INPP5D: variants seen among roughly 807,000 people sequenced by gnomAD.
INPP5D encodes the protein phosphatidylinositol 3,4,5-trisphosphate 5-phosphatase 1.
INPP5D carries 33 observed loss-of-function variants against 122.9 expected under a neutral mutation model. That is an observed-to-expected ratio of 0.27 (90% CI 0.20 to 0.36). The LOEUF (loss-of-function observed/expected upper bound fraction) is 0.36, where lower values mean the gene tolerates loss of function less well. Among genes scored for constraint, INPP5D ranks in the 10% least tolerant of loss-of-function variants. The pLI is 1.00. For synonymous variants in INPP5D, 584 were observed against 576.2 expected (o/e 1.01, Z -0.19); for missense variants, 1,053 against 1,412.7 (o/e 0.75, Z 4.08).
chr2:233,164,248 T>C lies in INPP5D; in HGVS notation c.1438-59T>C, dbSNP rs1219899928. Reference sequence around the variant, plus strand: ...GCGGCTGGGGCTGGGTGTGAATCACTGTGCCCTGGTTCACACCCTACACTT... The same window carrying C: ...GCGGCTGGGGCTGGGTGTGAATCACCGTGCCCTGGTTCACACCCTACACTT... On this transcript the variant is annotated intron_variant, in intron 12 of 26. Coordinates refer to ENST00000445964, the MANE Select transcript of INPP5D (RefSeq NM_001017915.3). This position sits in a 1 kb window ranked among gnomAD's most constrained non-coding sequence, Gnocchi z 4.3. 2.7e-6 allele frequency: 4 copies of C among 1,499,688 alleles called. No homozygotes were observed. In the Admixed American group the frequency reaches 6.2e-5, roughly 23 times the overall value. The allele number at this position is 1,499,688 out of a possible 1,614,324, so 92.9% of individuals were successfully genotyped here. A position where few individuals can be genotyped will look rare whatever the true frequency, so the allele number is the denominator to read the frequency against.
At chr2:233,152,147 G>T (rs1334506855) in intron 9 of INPP5D, among the ~76,000 whole-genome samples, 1 of 152,212 alleles carries the variant, frequency 6.6e-6, no homozygotes, top group Non-Finnish European at 1.5e-5. Context: ...CAAGACAGGG[G>T]TTCCTACAGG....
At chr2:233,139,038 G>C (rs1693577042) in intron 5 of INPP5D, among the ~76,000 whole-genome samples, 1 of 152,194 alleles carries the variant, frequency 6.6e-6, no homozygotes, top group African/African-American at 2.4e-5. Context: ...ACAGGCGTGA[G>C]CCACCGTGCC....
intron 17 of INPP5D, among the ~76,000 whole-genome samples, chr2:233,176,802 AG>A (rs777351443): frequency 8.6e-4 from 128 of 148,922 alleles, no homozygotes; most frequent in Non-Finnish European, 1.3e-3. Context: ...ATAGGTGGGT[AG>A]GTGGATGGAT....
At chr2:233,097,085 C>G (rs1692164840) in intron 2 of INPP5D, among the ~76,000 whole-genome samples, 1 of 152,194 alleles carries the variant, frequency 6.6e-6, no homozygotes, top group Non-Finnish European at 1.5e-5. Context: ...GGATAGCCAA[C>G]ACCGTATTAA....
chr2:233,139,330 C>T (rs997138135), intron 5 of INPP5D, among the ~76,000 whole-genome samples: 1 of 152,140 alleles, frequency 6.6e-6, no homozygotes, highest in Non-Finnish European at 1.5e-5. Flanking sequence ...GAAAATCCGT[C>T]TGAGCCTGCA....
At chr2:233,101,614 ATATAT>A (rs950388426) in intron 2 of INPP5D, among the ~76,000 whole-genome samples, 12 of 144,482 alleles carry the variant, frequency 8.3e-5, no homozygotes, top group African/African-American at 3.0e-4. Context: ...AATAATTATA[ATATAT>A]AATTATATAT....
chr2:233,103,833 A>G (rs1402559414), intron 2 of INPP5D, among the ~76,000 whole-genome samples: 2 of 146,398 alleles, frequency 1.4e-5, no homozygotes, highest in African/African-American at 5.1e-5. Flanking sequence ...CAGCCTCCCG[A>G]GTAGCTGGGA....
Position 233,105,483 on chromosome 2 carries a change from C to A in INPP5D, c.199-16624C>A, listed in dbSNP as rs903731864. Among the ~76,000 whole-genome samples the A allele has an allele frequency of 6.6e-6, 1 of 152,214 alleles. No homozygotes were observed. Among genetic ancestry groups the A allele is most frequent in the Admixed American group, 6.5e-5 (1 of 15,282 alleles). ...GCACCCTCCCAAGCTACTGTCCTCT[C>A]TTCACAAGCCTCTGCACCTGGTCAT... On this transcript the variant is annotated intron_variant, in intron 2 of 26. Transcript: ENST00000445964. The surrounding 1 kb of genome is among the most constrained non-coding windows in gnomAD (Gnocchi z 4.0).
At chr2:233,167,735 T>C (rs1291405659) in intron 13 of INPP5D, among the ~76,000 whole-genome samples, 1 of 152,120 alleles carries the variant, frequency 6.6e-6, no homozygotes, top group African/African-American at 2.4e-5. Context: ...CCGGGTGCCG[T>C]GGCTCACGCC....
chr2:233,068,068 C>T (rs1691272741), intron 1 of INPP5D, among the ~76,000 whole-genome samples: 1 of 151,782 alleles, frequency 6.6e-6, no homozygotes, highest in Admixed American at 6.6e-5. Context: ...GGTGGATCAC[C>T]TGAGGTCGGG....
chr2:233,070,684 G>A (rs1015808332), intron 1 of INPP5D, among the ~76,000 whole-genome samples: 11 of 151,892 alleles, frequency 7.2e-5, no homozygotes, highest in East Asian at 1.9e-4. Context: ...CTTGTGGTCC[G>A]CTCGCCTCGG....
At chr2:233,147,314 C>T (rs564920986) in intron 8 of INPP5D, among the ~76,000 whole-genome samples, 157 bp from the exon 9 acceptor site, 1 of 152,346 alleles carries the variant, frequency 6.6e-6, no homozygotes, top group Admixed American at 6.5e-5. Context: ...CCTGTGGAAA[C>T]ATGCACGTGC....
chr2:233,121,121 C>CTTTTTTTTTTTTTCTTTTT (rs369587747), intron 2 of INPP5D, among the ~76,000 whole-genome samples: 1 of 117,652 alleles, frequency 8.5e-6, no homozygotes, highest in Non-Finnish European at 1.8e-5. Flanking sequence ...TTCTTTCTTT[C>CTTTTTTTTTTTTTCTTTTT]TTTTTTTTTT....
At chr2:233,165,874 G>A (rs532210833) in intron 13 of INPP5D, among the ~76,000 whole-genome samples, 134 of 151,888 alleles carry the variant, frequency 8.8e-4, no homozygotes, top group East Asian at 3.5e-3. Context: ...GTGTGTGCCC[G>A]TGTGTGCACG....
chr2:233,180,327 T>A (rs1315116794), intron 18 of INPP5D, among the ~76,000 whole-genome samples: 1 of 151,886 alleles, frequency 6.6e-6, no homozygotes, highest in Non-Finnish European at 1.5e-5. Context: ...ATTGCTATTA[T>A]GTTCAGTACA....
rs58284775 is a variant in INPP5D at position 233,094,512 on chromosome 2, C to CAAAAAAAAAAAAAAAAAAAAAAAAAAAA, written c.198+15117_198+15144dup. On this transcript the variant is annotated intron_variant, in intron 2 of 26. Coordinates refer to ENST00000445964, the MANE Select transcript of INPP5D (RefSeq NM_001017915.3). ...TGGGCAATAGAGCAAGACTCCATCC[C>CAAAAAAAAAAAAAAAAAAAAAAAAAAAA]AAAAAAAAAAAAAAAAAAAAAAAAA... Among the ~76,000 whole-genome samples the CAAAAAAAAAAAAAAAAAAAAAAAAAAAA allele has an allele frequency of 1.1e-4, 4 of 34,964 alleles. 2 individuals carry two copies. The highest frequency in any genetic ancestry group is 2.4e-4 in the African/African-American group (2 of 8,246). 22.9% of individuals were successfully genotyped at this position (34,964 alleles called of 152,430 possible).
At chr2:233,185,599 G>A (rs1276714962) in intron 20 of INPP5D, among the ~76,000 whole-genome samples, 1 of 151,064 alleles carries the variant, frequency 6.6e-6, no homozygotes, top group African/African-American at 2.4e-5. Flanking sequence ...AAAAGGAGGG[G>A]GAATCTCTTT....
intron 20 of INPP5D, 129 bp from the exon 21 acceptor site, chr2:233,185,714 T>TAAAAA (rs34533084): frequency 4.6e-5 from 29 of 626,640 alleles, no homozygotes; most frequent in Non-Finnish European, 5.4e-5. Flanking sequence ...GGCCCCGAGA[T>TAAAAA]AAAAAAAAAA....
chr2:233,122,798 C>A (rs1316325503), intron 3 of INPP5D, among the ~76,000 whole-genome samples: 1 of 151,758 alleles, frequency 6.6e-6, no homozygotes, highest in Non-Finnish European at 1.5e-5. Context: ...CAGAAAGAGA[C>A]CTTGTCTAAG....
Sources: gnomAD v4.1 joint callset for allele counts (sites outside exome capture counted in the v4.1 genomes callset) on GRCh38, gnomAD v4.1.1 for gene constraint, Gnocchi (gnomAD v3.1) non-coding constraint, MANE v1.5 for transcripts, NCBI Gene and HGNC (gene_info 2026-07-23, HGNC 2026-07-21) for gene names.